ALS2: variants seen among roughly 807,000 people sequenced by gnomAD.
ALS2 encodes alsin.
Under a neutral mutation model 203.4 loss-of-function variants are expected in ALS2, and 117 were observed. The observed-to-expected ratio is 0.58, with a 90% CI of 0.50 to 0.67. The LOEUF (loss-of-function observed/expected upper bound fraction) is 0.67. Ranked by LOEUF, ALS2 falls within the 30% of genes least tolerant of loss-of-function variation. The pLI, the probability that ALS2 is intolerant of heterozygous loss-of-function variation, is 0.00. For missense variants in ALS2, 1,715 were observed against 1,989.4 expected, an observed-to-expected ratio of 0.86 and a Z score of 2.62; for synonymous variants, 718 against 725.9, an observed-to-expected ratio of 0.99 and a Z score of 0.17.
Position 201,733,398 on chromosome 2 carries a change from A to C in ALS2, c.2458T>G (p.Ser820Ala). 6.2e-7 allele frequency: 1 copy of C among 1,613,790 alleles called. No individual in the cohort carries two copies. Among genetic ancestry groups the C allele is most frequent in the Non-Finnish European group, 8.5e-7 (1 of 1,179,856 alleles). The part of the protein sequence containing the change: ...NKNQELLQDL[S>A]EVNDENTQLM... ...TGAGTGTTTTCGTCATTCACTTCTGACAAATCTTGCAACAGCTCTTGGTTT... is the reference window on the plus strand; with the variant it reads ...TGAGTGTTTTCGTCATTCACTTCTGCCAAATCTTGCAACAGCTCTTGGTTT... The change falls in exon 13 of 34, where the codon TCA (serine) becomes GCA (alanine). Residue 820 changes from serine (S) to alanine (A), a missense_variant. This residue lies in a region of ALS2 where 1,227 missense variants were observed against 1,413.5 expected (regional missense o/e 0.87). Transcript: ENST00000264276.
At chr2:201,757,298 T>C in intron 5 of ALS2, 104 bp downstream of exon 5, 1 of 946,120 alleles carries the variant, frequency 1.1e-6, no homozygotes, top group Non-Finnish European at 1.7e-6. Context: ...TTTGAATATG[T>C]CAGCTTCATA....
chr2:201,728,037 G>A (rs533961869), intron 15 of ALS2, among the ~76,000 whole-genome samples: 1 of 152,254 alleles, frequency 6.6e-6, no homozygotes, highest in South Asian at 2.1e-4. Context: ...AACTTAAGAA[G>A]TTCTCTGAAA....
At chr2:201,751,355 C>G (rs2106067963) in intron 7 of ALS2, among the ~76,000 whole-genome samples, 1 of 152,264 alleles carries the variant, frequency 6.6e-6, no homozygotes, top group South Asian at 2.1e-4. Context: ...AATCAATGCT[C>G]AGCATTGAAT....
chr2:201,778,851 T>C (rs1694772275), intron 1 of ALS2, among the ~76,000 whole-genome samples: 1 of 152,194 alleles, frequency 6.6e-6, no homozygotes, highest in Admixed American at 6.5e-5. Flanking sequence ...TACCTCATAG[T>C]ACCCAAAGCG....
intron 10 of ALS2, 64 bp from the exon 11 acceptor site, chr2:201,741,918 GA>G: frequency 7.5e-7 from 1 of 1,332,278 alleles, no homozygotes; most frequent in East Asian, 2.4e-5. Context: ...ATTATGATGT[GA>G]TTATGATTAT....
At position 201,723,435 on chromosome 2, in the gene ALS2, T is replaced by C; in HGVS notation, c.3519A>G (p.Glu1173=). 1.9e-6 allele frequency: 3 copies of C among 1,612,430 alleles called. No homozygotes were observed. The highest frequency in any genetic ancestry group is 2.5e-6 in the Non-Finnish European group (3 of 1,178,476). ...CATCTTGCCACATTCCCATATACTTTTCCCCCCTGCACAGAAATAAAAAGA... is the reference window on the plus strand; with the variant it reads ...CATCTTGCCACATTCCCATATACTTCTCCCCCCTGCACAGAAATAAAAAGA... The part of the protein sequence containing the change: ...YGVFDDITRG[E]KYMGMWQDDV... Residue 1173 remains glutamate, a synonymous_variant, in exon 22 of 34, where the codon GAA becomes GAG. Coordinates refer to ENST00000264276, the MANE Select transcript of ALS2 (RefSeq NM_020919.4).
intron 16 of ALS2, among the ~76,000 whole-genome samples, 175 bp from the exon 17 acceptor site, chr2:201,727,453 T>C (rs1183272745): frequency 6.6e-6 from 1 of 152,252 alleles, no homozygotes; most frequent in Non-Finnish European, 1.5e-5. Context: ...TTCTCTGCTC[T>C]GTGCTGAACG....
intron 29 of ALS2, among the ~76,000 whole-genome samples, chr2:201,706,151 C>T (rs879371520): frequency 4.0e-5 from 6 of 149,650 alleles, no homozygotes; most frequent in Admixed American, 1.3e-4. Flanking sequence ...GTTGGGAGGC[C>T]GAGGCGAGCA....
chr2:201,714,589 T>A (rs1432898789), intron 25 of ALS2, among the ~76,000 whole-genome samples: 1 of 152,218 alleles, frequency 6.6e-6, no homozygotes, highest in Admixed American at 6.5e-5. Flanking sequence ...GTCTTGTGAA[T>A]TCTTCCAGCA....
intron 20 of ALS2, among the ~76,000 whole-genome samples, chr2:201,724,679 C>G (rs1159417743): frequency 6.6e-6 from 1 of 152,020 alleles, no homozygotes; most frequent in African/African-American, 2.4e-5. Flanking sequence ...ACATGAAAAA[C>G]AATGTGTTTT....
In ALS2 at chr2:201,725,359, T is replaced by TA. The variant is rs771369780; in HGVS notation, c.3343dup (p.Tyr1115LeufsTer7). The TA allele has an allele frequency of 6.2e-7, 1 of 1,612,884 alleles. No individual in the cohort carries two copies. Among genetic ancestry groups the TA allele is most frequent in the Non-Finnish European group, 8.5e-7 (1 of 1,178,866 alleles). On this transcript the variant is annotated frameshift_variant, in exon 20 of 34. Coordinates refer to ENST00000264276, the MANE Select transcript of ALS2 (RefSeq NM_020919.4). LOFTEE classifies it high-confidence loss of function. The stretch of plus-strand genomic sequence containing the variant: ...CCAACAGCCTTTCCAATGTTACCTG[T>TA]AGACTCCTTGACCGCACATTTTTCC...
intron 25 of ALS2, among the ~76,000 whole-genome samples, chr2:201,712,351 T>C (rs1190753272): frequency 6.6e-6 from 1 of 152,214 alleles, no homozygotes; most frequent in Non-Finnish European, 1.5e-5. Flanking sequence ...ATTTGAATAC[T>C]GGTAATTTAT....
chr2:201,705,262 G>T, intron 30 of ALS2, 62 bp from the exon 31 acceptor site: 2 of 1,525,600 alleles, frequency 1.3e-6, no homozygotes, highest in Non-Finnish European at 1.8e-6. Flanking sequence ...AGAAATAAAT[G>T]ATACTGATGT....
Position 201,704,445 on chromosome 2 carries a change from A to T in ALS2, c.4838+9T>A. On this transcript the variant is annotated intron_variant, in intron 32 of 33. Coordinates refer to ENST00000264276, the MANE Select transcript of ALS2 (RefSeq NM_020919.4). ...CGACTCACTAATAACAAAGTCATAA[A>T]ACAGTTACCTGGCCCGTAGCACCAC... is the stretch of plus-strand genomic sequence containing the variant. 7 of 1,614,080 alleles carry T rather than the reference A, an allele frequency of 4.3e-6. No individual in the cohort carries two copies. The highest frequency in any genetic ancestry group is 5.9e-6 in the Non-Finnish European group (7 of 1,179,964).
At chr2:201,725,741 C>T (rs1183416692) in intron 19 of ALS2, among the ~76,000 whole-genome samples, 2 of 152,188 alleles carry the variant, frequency 1.3e-5, no homozygotes, top group African/African-American at 2.4e-5. Flanking sequence ...TAATTACCTG[C>T]ACCACCATGC....
intron 12 of ALS2, among the ~76,000 whole-genome samples, chr2:201,736,408 C>G (rs973466123): frequency 6.6e-6 from 1 of 151,986 alleles, no homozygotes; most frequent in African/African-American, 2.4e-5. Context: ...ATATTTAGAA[C>G]TGAATGACTA....
chr2:201,733,753 C>CG (rs2106025087), intron 12 of ALS2, among the ~76,000 whole-genome samples: 1 of 152,286 alleles, frequency 6.6e-6, no homozygotes, highest in East Asian at 1.9e-4. Context: ...ACACCATTAC[C>CG]TGTTAATTTC....
chr2:201,718,908 G>A (rs780874310), intron 23 of ALS2, among the ~76,000 whole-genome samples: 2 of 151,824 alleles, frequency 1.3e-5, no homozygotes, highest in Non-Finnish European at 2.9e-5. Context: ...ACAAAAGGAG[G>A]AACAAACTAA....
At position 201,727,237 on chromosome 2, in the gene ALS2, A is replaced by G; in HGVS notation, c.2954T>C (p.Leu985Pro). Residue 985 changes from leucine to proline, a missense_variant, in exon 17 of 34, where the codon CTC becomes CCC. By Grantham distance (98) the Leu-to-Pro change is moderately conservative. Coordinates refer to ENST00000264276, the MANE Select transcript of ALS2 (RefSeq NM_020919.4). Reference protein sequence around the residue: ...KITTPEEQFTLISSTPQEKTK... With the variant: ...KITTPEEQFTPISSTPQEKTK... ...CTTTTCCTGGGGTGTAGATGAAATG[A>G]GAGTGAACTGCTCCTCAGGTGTAGT... 1 of 1,613,628 alleles carries G rather than the reference A, an allele frequency of 6.2e-7. No individual in the cohort carries two copies. Among genetic ancestry groups the G allele is most frequent in the South Asian group, 1.1e-5 (1 of 91,056 alleles).
Sources: allele counts gnomAD v4.1 joint callset (sites outside exome capture counted in the v4.1 genomes callset), GRCh38; gene constraint gnomAD v4.1.1; regional missense constraint gnomAD v4.1.1; transcripts MANE v1.5; gene names NCBI Gene and HGNC (gene_info 2026-07-23, HGNC 2026-07-21).